The following IL33 variants were observed in gnomAD, a reference collection of about 807,000 sequenced individuals.
The protein encoded by IL33 is interleukin-33.
A neutral mutation model predicts 27.3 loss-of-function variants in IL33; 37 were observed. That is an observed-to-expected ratio of 1.36 (90% CI 1.04 to 1.78). The LOEUF (loss-of-function observed/expected upper bound fraction) is 1.78, where lower values mean the gene tolerates loss of function less well. Among genes scored for constraint, IL33 ranks in the 40% most tolerant of loss-of-function variants. The pLI is 0.00. For missense variants in IL33, 406 were observed against 311.4 expected (o/e 1.30, Z -2.29); for synonymous variants, 132 against 102.9 (o/e 1.28, Z -1.71).
rs928817403 is a variant in IL33, at chr9:6,253,702, T to C, written c.520+100T>C. On this transcript the variant is annotated intron_variant, in intron 6 of 7. Transcript: ENST00000682010. Reference sequence around the variant, plus strand: ...TTTTGCCCCATAGGAAAAAAGATAGTCTCAGAAGGTTATCTCCAACCCAAG... The same window carrying C: ...TTTTGCCCCATAGGAAAAAAGATAGCCTCAGAAGGTTATCTCCAACCCAAG... The C allele has an allele frequency of 2.2e-5, 19 of 864,834 alleles. 1 individual carries two copies. The Admixed American group carries it at 4.7e-4, about 21-fold the overall frequency. The allele number at this position is 864,834 out of a possible 1,614,324, so 53.6% of individuals were successfully genotyped here. A position where few individuals can be genotyped will look rare whatever the true frequency, so the allele number is the denominator to read the frequency against.
chr9:6,245,889 C>T (rs997038189), intron 2 of IL33, among the ~76,000 whole-genome samples: 34 of 151,384 alleles, frequency 2.2e-4, no homozygotes, highest in African/African-American at 7.0e-4. Flanking sequence ...GGTGAAACCC[C>T]GTCTCTACTA....
intron 1 of IL33, among the ~76,000 whole-genome samples, chr9:6,218,595 CAT>C (rs71328180): frequency 2.1e-5 from 3 of 143,668 alleles, no homozygotes; most frequent in Non-Finnish European, 1.5e-5. Flanking sequence ...TATATATATG[CAT>C]ATATATATAT....
At chr9:6,238,219 G>A (rs1819339123) in intron 1 of IL33, among the ~76,000 whole-genome samples, 1 of 152,174 alleles carries the variant, frequency 6.6e-6, no homozygotes, top group Non-Finnish European at 1.5e-5. Context: ...TCCTGGGTGA[G>A]GCACTTAATC....
intron 1 of IL33, among the ~76,000 whole-genome samples, chr9:6,238,596 C>G (rs1031976825): frequency 6.6e-6 from 1 of 152,180 alleles, no homozygotes; most frequent in Admixed American, 6.5e-5. Flanking sequence ...AACGAGTCCT[C>G]TAATCCAAGA....
At chr9:6,235,055 T>A (rs1417982391) in intron 1 of IL33, among the ~76,000 whole-genome samples, 1 of 152,192 alleles carries the variant, frequency 6.6e-6, no homozygotes, top group Non-Finnish European at 1.5e-5. Flanking sequence ...ATTTTTTTCA[T>A]TTTTGGTGAC....
intron 2 of IL33, among the ~76,000 whole-genome samples, chr9:6,247,629 T>C (rs1321421264): frequency 6.6e-6 from 1 of 152,108 alleles, no homozygotes; most frequent in East Asian, 1.9e-4. Context: ...GCAGGCAGGA[T>C]AGAGACATGG....
intron 1 of IL33, among the ~76,000 whole-genome samples, chr9:6,227,873 A>T (rs1207925141): frequency 6.6e-6 from 1 of 152,144 alleles, no homozygotes; most frequent in Non-Finnish European, 1.5e-5. Context: ...TCTGCTCTGG[A>T]TGCAGGGGCT....
intron 1 of IL33, among the ~76,000 whole-genome samples, chr9:6,219,799 G>A (rs552975712): frequency 1.3e-5 from 2 of 152,248 alleles, no homozygotes; most frequent in Non-Finnish European, 2.9e-5. Flanking sequence ...GCACCTCTGT[G>A]AGGTAAATAT....
At chr9:6,228,719 G>T (rs1040440692) in intron 1 of IL33, among the ~76,000 whole-genome samples, 1 of 151,936 alleles carries the variant, frequency 6.6e-6, no homozygotes, top group Admixed American at 6.6e-5. Context: ...GCCGAGTGTG[G>T]TGGCACACAC....
intron 5 of IL33, among the ~76,000 whole-genome samples, chr9:6,253,250 C>T (rs1307785482): frequency 2.0e-5 from 3 of 152,134 alleles, no homozygotes; most frequent in Non-Finnish European, 4.4e-5. Flanking sequence ...GAAAGAGGGG[C>T]CACATGTATT....
chr9:6,220,342 T>C (rs1452996409), intron 1 of IL33, among the ~76,000 whole-genome samples: 5 of 152,230 alleles, frequency 3.3e-5, no homozygotes, highest in Admixed American at 6.5e-5. Context: ...AATGTTTTGC[T>C]CATTATTTCC....
At chr9:6,254,436 A>G (rs751750908) in intron 6 of IL33, 26 bp from the exon 7 acceptor site, 1 of 1,433,786 alleles carries the variant, frequency 7.0e-7, no homozygotes, top group Non-Finnish European at 9.5e-7. Flanking sequence ...TCTTAACTTT[A>G]TCATTTATAC....
rs867391186 is a variant in IL33, at chr9:6,250,368, G to T, written c.92-106G>T. 6 of 1,277,652 alleles carry T rather than the reference G, an allele frequency of 4.7e-6. No homozygotes were observed. The African/African-American group carries it at 6.0e-5, about 13-fold the overall frequency. The allele number at this position is 1,277,652 out of a possible 1,614,324, so 79.1% of individuals were successfully genotyped here. On this transcript the variant is annotated intron_variant, in intron 2 of 7. Transcript: ENST00000682010. ...CAGCTGAGTTAAGGATTTCTGATAAGATACTGTGAACCTGTACTTGCTTTC... is the reference window on the plus strand; with the variant it reads ...CAGCTGAGTTAAGGATTTCTGATAATATACTGTGAACCTGTACTTGCTTTC...
chr9:6,223,608 T>C (rs1340913503), intron 1 of IL33, among the ~76,000 whole-genome samples: 2 of 152,128 alleles, frequency 1.3e-5, no homozygotes, highest in East Asian at 3.9e-4. Flanking sequence ...AATTCAACCA[T>C]AAAGATATTA....
At chr9:6,230,415 T>C (rs1458055074) in intron 1 of IL33, among the ~76,000 whole-genome samples, 1 of 152,048 alleles carries the variant, frequency 6.6e-6, no homozygotes, top group African/African-American at 2.4e-5. Context: ...CCAGATTGGG[T>C]GAGGAAGGTG....
intron 1 of IL33, among the ~76,000 whole-genome samples, chr9:6,222,055 G>A (rs917243688): frequency 6.6e-6 from 1 of 152,152 alleles, no homozygotes; most frequent in Non-Finnish European, 1.5e-5. Context: ...ATACCATGGT[G>A]GTCAAGCTTC....
At chr9:6,241,874 T>G in intron 2 of IL33, 89 bp downstream of exon 2, 14 of 817,224 alleles carry the variant, frequency 1.7e-5, no homozygotes, top group Non-Finnish European at 2.5e-5. Context: ...CATGCTATCT[T>G]ATCAAAATCT....
At chr9:6,243,705 A>G (rs1376850116) in intron 2 of IL33, among the ~76,000 whole-genome samples, 1 of 152,202 alleles carries the variant, frequency 6.6e-6, no homozygotes, top group Non-Finnish European at 1.5e-5. Context: ...TAGTAACACA[A>G]AAGTAAGTTA....
chr9:6,218,645 C>T (rs1418555186), intron 1 of IL33, among the ~76,000 whole-genome samples: 4 of 139,708 alleles, frequency 2.9e-5, no homozygotes, highest in East Asian at 2.1e-4. Flanking sequence ...ATTTTTTCTC[C>T]CTATACATAT....
Sources: gnomAD v4.1 joint callset for allele counts (sites outside exome capture counted in the v4.1 genomes callset) on GRCh38, gnomAD v4.1.1 for gene constraint, MANE v1.5 for transcripts, NCBI Gene and HGNC (gene_info 2026-07-23, HGNC 2026-07-21) for gene names.